TCEA3: variants seen among roughly 807,000 people sequenced by gnomAD.
TCEA3 encodes transcription elongation factor A3.
A neutral mutation model predicts 44.0 loss-of-function variants in TCEA3; 36 were observed. That is an observed-to-expected ratio of 0.82 (90% CI 0.63 to 1.08). The LOEUF is 1.08. Among genes scored for constraint, TCEA3 ranks in the 50% least tolerant of loss-of-function variants. The probability of loss-of-function intolerance (pLI) is 0.00; values close to 1 mark genes in which losing one functional copy is unlikely to be tolerated. For synonymous variants in TCEA3, 162 were observed against 159.7 expected (o/e 1.01, Z -0.11); for missense variants, 392 against 441.2 (o/e 0.89, Z 1.00).
intron 5 of TCEA3, among the ~76,000 whole-genome samples, chr1:23,400,778 C>T (rs533117518): frequency 8.5e-5 from 13 of 152,248 alleles, no homozygotes; most frequent in South Asian, 6.2e-4. Flanking sequence ...CTTGTGGAAG[C>T]GCCCAGAGAG....
intron 1 of TCEA3, among the ~76,000 whole-genome samples, chr1:23,422,196 G>A (rs1570301435): frequency 1.3e-5 from 2 of 152,160 alleles, no homozygotes; most frequent in East Asian, 1.9e-4. Flanking sequence ...GCTGTGCTGC[G>A]TGCATACGTG....
intron 7 of TCEA3, among the ~76,000 whole-genome samples, chr1:23,395,080 T>C (rs1639176245): frequency 6.6e-6 from 1 of 152,220 alleles, no homozygotes; most frequent in Non-Finnish European, 1.5e-5. Flanking sequence ...AACAGATGAC[T>C]TGCTAGAAGT....
chr1:23,424,512 C>T (rs1640160955), intron 1 of TCEA3, 53 bp downstream of exon 1: 3 of 1,531,262 alleles, frequency 2.0e-6, no homozygotes, highest in Non-Finnish European at 2.7e-6. Context: ...GAATCCGGGG[C>T]TTGCCCGCGC....
chr1:23,381,496 A>T, intron 10 of TCEA3, 22 bp from the exon 11 acceptor site: 1 of 780,878 alleles, frequency 1.3e-6, no homozygotes, highest in Non-Finnish European at 2.4e-6. Flanking sequence ...GAAAGGCAAC[A>T]AAATTTGAAA....
At chr1:23,405,104 C>T (rs1279417836) in intron 5 of TCEA3, among the ~76,000 whole-genome samples, 2 of 152,152 alleles carry the variant, frequency 1.3e-5, no homozygotes, top group Non-Finnish European at 2.9e-5. Flanking sequence ...TTCAGACAGG[C>T]ACATACTTTC....
rs1639940097 is a variant in TCEA3 at position 23,417,929 on chromosome 1, A to G, written c.213T>C (p.Leu71=). ...DKEVVSLAKV[L]IKNWKRLLDS... Reference sequence around the variant, plus strand: ...CTAGCAGCCGCTTCCAGTTTTTGATAAGGACTTTGGCCAAGGACACCACCT... The same window carrying G: ...CTAGCAGCCGCTTCCAGTTTTTGATGAGGACTTTGGCCAAGGACACCACCT... The change falls in exon 3 of 11, where the codon CTT becomes CTC. Residue 71 remains leucine (L), a synonymous_variant. Coordinates refer to ENST00000450454, the MANE Select transcript of TCEA3 (RefSeq NM_003196.3). The G allele has an allele frequency of 6.2e-7, 1 of 1,613,942 alleles. No homozygotes were observed. Among genetic ancestry groups the G allele is most frequent in the Non-Finnish European group, 8.5e-7 (1 of 1,179,888 alleles).
chr1:23,408,792 G>A (rs1639628709), intron 4 of TCEA3, 66 bp from the exon 5 acceptor site: 2 of 1,456,916 alleles, frequency 1.4e-6, no homozygotes, highest in Non-Finnish European at 9.4e-7. Flanking sequence ...AGGAAGGTGG[G>A]GAGAAAGCAT....
chr1:23,404,367 C>T lies in TCEA3; in HGVS notation c.443+4297G>A, dbSNP rs898815753. Among the ~76,000 whole-genome samples, 37 of 151,914 alleles carry T rather than the reference C, an allele frequency of 2.4e-4. 2 individuals are homozygous for T. Among genetic ancestry groups the T allele is most frequent in the Non-Finnish European group, 4.4e-5 (3 of 67,988 alleles). On this transcript the variant is annotated intron_variant, in intron 5 of 10. Transcript: ENST00000450454. ...TGACTCTCCTGACTCGCCTCCCAAA[C>T]TCCTCCTATTGACTTTCCATTCTCA...
chr1:23,404,222 T>C, intron 5 of TCEA3: 1 of 701,622 alleles, frequency 1.4e-6, no homozygotes, highest in Non-Finnish European at 2.6e-6. Flanking sequence ...GTCAACTTTC[T>C]CCCCTGTCAA....
chr1:23,382,996 G>A (rs621691), intron 10 of TCEA3, among the ~76,000 whole-genome samples: 1 of 152,176 alleles, frequency 6.6e-6, no homozygotes, highest in African/African-American at 2.4e-5. Context: ...AAAATAATTA[G>A]AGGCCGGGCG....
intron 8 of TCEA3, 60 bp downstream of exon 8, chr1:23,393,819 A>G (rs906894127): frequency 1.9e-6 from 3 of 1,577,686 alleles, no homozygotes; most frequent in Non-Finnish European, 2.6e-6. Context: ...GACCCTCTGC[A>G]CTAGGCAGGG....
intron 8 of TCEA3, among the ~76,000 whole-genome samples, chr1:23,388,674 T>C (rs983288206): frequency 2.0e-5 from 3 of 152,118 alleles, no homozygotes; most frequent in African/African-American, 7.2e-5. Context: ...TATGCATTTT[T>C]TAAAGTTCTT....
rs1239263811 is a variant in TCEA3 at position 23,391,378 on chromosome 1, A to C, written c.819+2501T>G. ...CTCCCAAAGTGCTGGGATTACAGGC[A>C]TGAGCCACCTCACGTGGCCTGTTGA... is the stretch of plus-strand genomic sequence containing the variant. On this transcript the variant is annotated intron_variant, in intron 8 of 10. Coordinates refer to ENST00000450454, the MANE Select transcript of TCEA3 (RefSeq NM_003196.3). Among the ~76,000 whole-genome samples the C allele has an allele frequency of 1.1e-4, 17 of 151,556 alleles. No individual in the cohort carries two copies. In the East Asian group the frequency reaches 3.4e-3, roughly 30 times the overall value.
At chr1:23,419,665 C>T (rs1455836713) in intron 1 of TCEA3, among the ~76,000 whole-genome samples, 7 of 152,044 alleles carry the variant, frequency 4.6e-5, no homozygotes, top group Non-Finnish European at 1.5e-5. Flanking sequence ...GGTGAAGCCC[C>T]ATCTCTATTA....
At chr1:23,407,524 C>T (rs182419516) in intron 5 of TCEA3, among the ~76,000 whole-genome samples, 1 of 152,240 alleles carries the variant, frequency 6.6e-6, no homozygotes, top group Non-Finnish European at 1.5e-5. Context: ...ACCCCCACCT[C>T]AGGGCACTTG....
chr1:23,415,202 T>C (rs1238879955), intron 4 of TCEA3, among the ~76,000 whole-genome samples: 1 of 152,012 alleles, frequency 6.6e-6, no homozygotes, highest in Admixed American at 6.6e-5. Context: ...TTTGTATTTT[T>C]AGTAGAGACG....
At chr1:23,419,225 G>A in intron 1 of TCEA3, 86 bp from the exon 2 acceptor site, 1 of 1,025,774 alleles carries the variant, frequency 9.7e-7, no homozygotes, top group South Asian at 1.8e-5. Context: ...CAGAGAGCAG[G>A]AGGATACAGA....
chr1:23,389,121 C>T (rs1204397624), intron 8 of TCEA3, among the ~76,000 whole-genome samples: 3 of 152,088 alleles, frequency 2.0e-5, no homozygotes, highest in Non-Finnish European at 4.4e-5. Flanking sequence ...AGCCATTTAC[C>T]CATATGAGTA....
chr1:23,387,147 C>G (rs1369226213), intron 9 of TCEA3, 126 bp downstream of exon 9: 1 of 1,287,690 alleles, frequency 7.8e-7, no homozygotes, highest in Non-Finnish European at 1.0e-6. Flanking sequence ...GCCACCGCAC[C>G]CGGCAAAGCC....
Sources: gnomAD v4.1 joint callset for allele counts (sites outside exome capture counted in the v4.1 genomes callset) on GRCh38, gnomAD v4.1.1 for gene constraint, MANE v1.5 for transcripts, NCBI Gene and HGNC (gene_info 2026-07-23, HGNC 2026-07-21) for gene names.